Variants in EYS observed in about 807,000 individuals in gnomAD.
The protein encoded by EYS is protein eyes shut homolog.
In EYS, 250 loss-of-function variants were observed where a neutral mutation model predicts 282.1. That is an observed-to-expected ratio of 0.89 (90% CI 0.80 to 0.98). EYS has a LOEUF of 0.98. Ranked by LOEUF, EYS falls within the 50% of genes least tolerant of loss-of-function variation. The probability of loss-of-function intolerance (pLI) is 0.00; values close to 1 mark genes in which losing one functional copy is unlikely to be tolerated. For synonymous variants in EYS, 1,355 were observed against 1,282.9 expected, an observed-to-expected ratio of 1.06 and a Z score of -1.20; for missense variants, 4,016 against 3,709.0, an observed-to-expected ratio of 1.08 and a Z score of -2.15.
chr6:64,305,437 G>A (rs1399701721), intron 30 of EYS, among the ~76,000 whole-genome samples: 1 of 151,772 alleles, frequency 6.6e-6, no homozygotes, highest in Non-Finnish European at 1.5e-5. Context: ...AAACAATCTT[G>A]AAAAATAACA....
At chr6:64,938,927 TG>T (rs1197051257) in intron 15 of EYS, among the ~76,000 whole-genome samples, 1 of 151,702 alleles carries the variant, frequency 6.6e-6, no homozygotes, top group Non-Finnish European at 1.5e-5. Context: ...ATATCTCCCT[TG>T]GAATAGTAAA....
chr6:64,886,664 A>G, intron 19 of EYS, 33 bp downstream of exon 19: 1 of 1,478,692 alleles, frequency 6.8e-7, no homozygotes, highest in Non-Finnish European at 9.0e-7. Flanking sequence ...AGACAGAAAT[A>G]TGTTGCTGCA....
At chr6:63,844,317 C>A (rs578011510) in intron 36 of EYS, among the ~76,000 whole-genome samples, 1 of 152,116 alleles carries the variant, frequency 6.6e-6, no homozygotes, top group African/African-American at 2.4e-5. Context: ...AATGAACATA[C>A]GCATGCAAGC....
intron 19 of EYS, among the ~76,000 whole-genome samples, chr6:64,851,151 T>C (rs1765869395): frequency 6.6e-6 from 1 of 151,984 alleles, no homozygotes; most frequent in African/African-American, 2.4e-5. Context: ...GAAATGGAGC[T>C]GCCACCATGC....
chr6:65,118,543 C>T (rs1006837748), intron 12 of EYS, among the ~76,000 whole-genome samples: 5 of 152,128 alleles, frequency 3.3e-5, no homozygotes, highest in African/African-American at 7.2e-5. Context: ...GTGTTTGCAG[C>T]TCGTCAAGCT....
At chr6:64,564,876 A>T (rs186835515) in intron 26 of EYS, among the ~76,000 whole-genome samples, 1 of 152,264 alleles carries the variant, frequency 6.6e-6, no homozygotes, top group East Asian at 1.9e-4. Flanking sequence ...TAACCATTCA[A>T]ACAGGTGTGT....
intron 22 of EYS, among the ~76,000 whole-genome samples, chr6:64,647,116 T>C (rs943099108): frequency 6.6e-6 from 1 of 152,194 alleles, no homozygotes; most frequent in East Asian, 1.9e-4. Flanking sequence ...TTACATAATT[T>C]AATACTGAAG....
chr6:65,540,762 T>C (rs1368916673), intron 2 of EYS, among the ~76,000 whole-genome samples: 5 of 151,744 alleles, frequency 3.3e-5, no homozygotes, highest in Non-Finnish European at 7.4e-5. Context: ...CTACTAAAAA[T>C]ACAAAAAAAA....
chr6:65,408,251 T>C (rs2150367816), intron 5 of EYS, among the ~76,000 whole-genome samples: 1 of 152,248 alleles, frequency 6.6e-6, no homozygotes, highest in Non-Finnish European at 1.5e-5. Context: ...TCTTTAGTTT[T>C]CTTGTGGCAG....
intron 2 of EYS, among the ~76,000 whole-genome samples, chr6:65,555,693 T>G (rs1227679548): frequency 6.6e-6 from 1 of 152,204 alleles, no homozygotes; most frequent in African/African-American, 2.4e-5. Flanking sequence ...TAATAACTGT[T>G]TCTTACTTTC....
intron 36 of EYS, among the ~76,000 whole-genome samples, chr6:63,838,071 G>A (rs1771853675): frequency 6.6e-6 from 1 of 152,018 alleles, no homozygotes; most frequent in African/African-American, 2.4e-5. Flanking sequence ...TAGATTGATA[G>A]GAAGTGGTTC....
chr6:65,529,752 G>T (rs1049690093), intron 2 of EYS, among the ~76,000 whole-genome samples: 15 of 152,242 alleles, frequency 9.9e-5, no homozygotes, highest in Admixed American at 4.6e-4. Context: ...AATCATTACA[G>T]CCCTCATGAA....
intron 35 of EYS, among the ~76,000 whole-genome samples, chr6:63,866,612 ATCAGGTGTTG>A (rs1772677069): frequency 6.6e-6 from 1 of 152,230 alleles, no homozygotes; most frequent in African/African-American, 2.4e-5. Flanking sequence ...TTCTGCTTTC[ATCAGGTGTTG>A]TCAGAAGTTG....
At chr6:63,796,133 G>A (rs1055473977) in intron 37 of EYS, among the ~76,000 whole-genome samples, 13 of 152,136 alleles carry the variant, frequency 8.5e-5, no homozygotes, top group Non-Finnish European at 4.4e-5. Flanking sequence ...AGGCACACCC[G>A]TCCTGCTGTT....
At chr6:64,145,861 T>C (rs1285398209) in intron 31 of EYS, among the ~76,000 whole-genome samples, 3 of 152,054 alleles carry the variant, frequency 2.0e-5, no homozygotes, top group Admixed American at 6.6e-5. Flanking sequence ...TGACTCAAGG[T>C]GAATTTATCA....
chr6:65,004,240 A>G (rs2150129195), intron 13 of EYS, among the ~76,000 whole-genome samples: 1 of 147,852 alleles, frequency 6.8e-6, no homozygotes, highest in East Asian at 2.1e-4. Flanking sequence ...GTCACATTTC[A>G]TTAGATTTCC....
At chr6:64,293,796 G>A (rs548088880) in intron 30 of EYS, among the ~76,000 whole-genome samples, 5 of 151,984 alleles carry the variant, frequency 3.3e-5, no homozygotes, top group South Asian at 4.2e-4. Context: ...TCTCTGCTTT[G>A]CAATGTTCCT....
intron 8 of EYS, among the ~76,000 whole-genome samples, chr6:65,374,531 C>A (rs1260223235): frequency 6.7e-6 from 1 of 148,368 alleles, no homozygotes; most frequent in Non-Finnish European, 1.5e-5. Flanking sequence ...CCCACTGATA[C>A]CTGGAACTCC....
At chr6:64,867,229 A>ATTTG (rs3065298) in intron 19 of EYS, among the ~76,000 whole-genome samples, 106,983 of 151,052 alleles carry the variant, frequency 0.71, 38,327 homozygotes, top group Admixed American at 0.76. Flanking sequence ...GAATTTGTTC[A>ATTTG]TTTGTTTTTA....
Sources: allele counts gnomAD v4.1 joint callset (sites outside exome capture counted in the v4.1 genomes callset), GRCh38; gene constraint gnomAD v4.1.1; transcripts MANE v1.5; gene names NCBI Gene and HGNC (gene_info 2026-07-23, HGNC 2026-07-21).